The following LRRC8C variants were observed in gnomAD, a reference collection of about 807,000 sequenced individuals.
LRRC8C encodes the protein leucine rich repeat containing 8 VRAC subunit C.
A neutral mutation model predicts 55.3 loss-of-function variants in LRRC8C; 20 were observed. That is an observed-to-expected ratio of 0.36 (90% CI 0.25 to 0.53). LRRC8C has a LOEUF of 0.53. LRRC8C is among the 20% of genes least tolerant of loss of function. The pLI is 0.92. For missense variants in LRRC8C, 659 were observed against 951.4 expected (o/e 0.69, Z 4.04); for synonymous variants, 376 against 360.7 (o/e 1.04, Z -0.48).
chr1:89,642,802 A>G (rs1010229911), intron 1 of LRRC8C, among the ~76,000 whole-genome samples: 2 of 151,678 alleles, frequency 1.3e-5, no homozygotes, highest in African/African-American at 2.4e-5. Context: ...AGCTGAGATC[A>G]TGCCACTGCA....
At chr1:89,653,543 A>G (rs752654612) in intron 1 of LRRC8C, among the ~76,000 whole-genome samples, 8 of 152,240 alleles carry the variant, frequency 5.3e-5, no homozygotes, top group Non-Finnish European at 8.8e-5. Context: ...GTGAGAAACA[A>G]TGGTAAAGAG....
intron 1 of LRRC8C, among the ~76,000 whole-genome samples, chr1:89,653,301 A>T (rs1358833473): frequency 1.3e-5 from 2 of 152,262 alleles, no homozygotes; most frequent in Non-Finnish European, 2.9e-5. Flanking sequence ...AACACAAGTA[A>T]CATATGTTTT....
chr1:89,702,308 T>C (rs1658353897), intron 2 of LRRC8C, among the ~76,000 whole-genome samples: 1 of 151,386 alleles, frequency 6.6e-6, no homozygotes, highest in Non-Finnish European at 1.5e-5. Context: ...AAAAAAACTA[T>C]GTTAAGAAAG....
rs1230269841 is a variant in LRRC8C, at chr1:89,716,535, A to G, written c.*1553A>G. The G allele has an allele frequency of 6.6e-6, 1 of 152,236 alleles. No homozygotes were observed. The highest frequency in any genetic ancestry group is 1.5e-5 in the Non-Finnish European group (1 of 68,036). 9.4% of individuals were successfully genotyped at this position (152,236 alleles called of 1,614,324 possible). A position where few individuals can be genotyped will look rare whatever the true frequency, so the allele number is the denominator to read the frequency against. On this transcript the variant is annotated 3_prime_UTR_variant, in exon 3 of 3. Transcript: ENST00000370454. The stretch of plus-strand genomic sequence containing the variant: ...TATTTACCTTTGTAATTAAAATCCA[A>G]CATAGCATGGGCTCTTGGGCAAAAT...
At chr1:89,617,699 T>G in the LRRC8C span, among the ~76,000 whole-genome samples, 1 of 152,174 alleles carries the variant, frequency 6.6e-6, no homozygotes, top group Non-Finnish European at 1.5e-5. Context: ...TCACTTAGGA[T>G]GCCAGTCATG....
chr1:89,664,476 C>A (rs900948498), intron 1 of LRRC8C, among the ~76,000 whole-genome samples: 3 of 151,972 alleles, frequency 2.0e-5, no homozygotes, highest in African/African-American at 7.2e-5. Flanking sequence ...ATTTCTGAGG[C>A]CTCTATTCTG....
intron 1 of LRRC8C, among the ~76,000 whole-genome samples, chr1:89,635,255 T>C (rs1483073502): frequency 1.3e-5 from 2 of 152,354 alleles, no homozygotes; most frequent in East Asian, 3.9e-4. Flanking sequence ...TTTAATACTC[T>C]ATAGTATTAT....
In LRRC8C at chr1:89,718,399, G is replaced by A. The variant is rs1557674121; in HGVS notation, c.*3417G>A. 6.6e-6 allele frequency: 1 copy of A among 152,014 alleles called. No individual in the cohort carries two copies. Among genetic ancestry groups the A allele is most frequent in the East Asian group, 1.9e-4 (1 of 5,182 alleles). The allele number at this position is 152,014 out of a possible 1,614,324, so 9.4% of individuals were successfully genotyped here. ...AAAAATCTTCCTTGTATTTACTTGG[G>A]TTAAGTGAAGTCCAAATTCTTACAG... is the stretch of plus-strand genomic sequence containing the variant. On this transcript the variant is annotated 3_prime_UTR_variant, in exon 3 of 3. Transcript: ENST00000370454.
At chr1:89,702,570 A>G (rs1570737018) in intron 2 of LRRC8C, among the ~76,000 whole-genome samples, 1 of 151,936 alleles carries the variant, frequency 6.6e-6, no homozygotes, top group Admixed American at 6.6e-5. Flanking sequence ...CCCTATCTCT[A>G]AAAAAATAAA....
chr1:89,648,140 GA>G (rs34721143), intron 1 of LRRC8C, among the ~76,000 whole-genome samples: 201 of 152,168 alleles, frequency 1.3e-3, no homozygotes, highest in African/African-American at 4.3e-3. Flanking sequence ...ATATTATGAA[GA>G]AAAAAATATG....
intron 1 of LRRC8C, 110 bp from the exon 2 acceptor site, chr1:89,686,360 C>G (rs1422165196): frequency 4.4e-6 from 5 of 1,124,634 alleles, no homozygotes; most frequent in Non-Finnish European, 6.4e-6. Context: ...CTTGACAGCT[C>G]TTGAACTAAT....
rs537773301 is a variant in LRRC8C, at chr1:89,636,073, C to G, written c.-5+2751C>G. ...AGCTGCTGTCAAATTCGGACTCTGCCGTGCAGTAGGAGTGCAAATGAGGTC... is the reference window on the plus strand; with the variant it reads ...AGCTGCTGTCAAATTCGGACTCTGCGGTGCAGTAGGAGTGCAAATGAGGTC... On this transcript the variant is annotated intron_variant, in intron 1 of 2. Transcript: ENST00000370454. Among the ~76,000 whole-genome samples the G allele has an allele frequency of 7.9e-5, 12 of 152,272 alleles. No homozygotes were observed. In the East Asian group the frequency reaches 1.9e-3, roughly 24 times the overall value.
intron 1 of LRRC8C, among the ~76,000 whole-genome samples, chr1:89,645,876 A>T (rs1656596861): frequency 6.6e-6 from 1 of 152,090 alleles, no homozygotes; most frequent in Non-Finnish European, 1.5e-5. Context: ...AAACTGAATG[A>T]TAAAAATATA....
chr1:89,669,500 C>G (rs148609084), intron 1 of LRRC8C, among the ~76,000 whole-genome samples: 2 of 152,208 alleles, frequency 1.3e-5, no homozygotes, highest in African/African-American at 4.8e-5. Flanking sequence ...ATTTGATTGT[C>G]ATCTCTATTG....
intron 1 of LRRC8C, among the ~76,000 whole-genome samples, chr1:89,634,907 T>C (rs1656235997): frequency 6.6e-6 from 1 of 152,158 alleles, no homozygotes. Flanking sequence ...TTTGCAAAGA[T>C]GGATATTTGC....
At chr1:89,637,906 G>A (rs1656338073) in intron 1 of LRRC8C, among the ~76,000 whole-genome samples, 2 of 152,154 alleles carry the variant, frequency 1.3e-5, no homozygotes, top group Admixed American at 6.5e-5. Context: ...TTCGATGGGT[G>A]TTCTTTTAAA....
chr1:89,645,172 G>A (rs1237404654), intron 1 of LRRC8C, among the ~76,000 whole-genome samples: 1 of 152,114 alleles, frequency 6.6e-6, no homozygotes, highest in Non-Finnish European at 1.5e-5. Flanking sequence ...ATTAACAGAT[G>A]AGAACTCTCA....
chr1:89,616,173 A>G, the LRRC8C span, among the ~76,000 whole-genome samples: 1 of 152,188 alleles, frequency 6.6e-6, no homozygotes, highest in Non-Finnish European at 1.5e-5. Context: ...GTTAGGTCCC[A>G]GCCAATGGTG....
intron 2 of LRRC8C, among the ~76,000 whole-genome samples, chr1:89,687,595 C>A (rs1394968322): frequency 2.6e-5 from 4 of 151,968 alleles, no homozygotes; most frequent in Non-Finnish European, 5.9e-5. Context: ...GAAGTGGGGC[C>A]CTTGAAGAAG....
Sources: allele counts gnomAD v4.1 joint callset (sites outside exome capture counted in the v4.1 genomes callset), GRCh38; gene constraint gnomAD v4.1.1; transcripts MANE v1.5; gene names NCBI Gene and HGNC (gene_info 2026-07-23, HGNC 2026-07-21).